The following ITFG2 variants were observed in gnomAD, a reference collection of about 807,000 sequenced individuals.
ITFG2 encodes the protein integrin alpha FG-GAP repeat containing 2, also known as KICSTOR complex protein ITFG2.
In ITFG2, 36 loss-of-function variants were observed where a neutral mutation model predicts 54.4. That is an observed-to-expected ratio of 0.66 (90% CI 0.51 to 0.87). ITFG2 has a LOEUF of 0.87. Ranked by LOEUF, ITFG2 falls within the 40% of genes least tolerant of loss-of-function variation. The pLI is 0.00. For synonymous variants in ITFG2, 211 were observed against 225.4 expected, an observed-to-expected ratio of 0.94 and a Z score of 0.57; for missense variants, 524 against 576.7, an observed-to-expected ratio of 0.91 and a Z score of 0.94.
upstream of ITFG2, chr12:2,834,605 G>A (rs775734442): frequency 1.4e-5 from 22 of 1,538,594 alleles, no homozygotes; most frequent in Non-Finnish European, 1.9e-5. Flanking sequence ...GAAGGAAAAG[G>A]CCAGGGGACG....
At position 2,820,193 on chromosome 12, in the gene ITFG2, G is replaced by A. The variant is rs1317700892; in HGVS notation, c.514G>A (p.Val172Met). Reference sequence around the variant, plus strand: ...TCCTGAACATCTGACAGGGCAGCTGGTGTCCCTCAAGAAATGGATGCTGGA... The same window carrying A: ...TCCTGAACATCTGACAGGGCAGCTGATGTCCCTCAAGAAATGGATGCTGGA... ...EGPEHLTGQL[V>M]SLKKWMLEGQ... The change falls in exon 5 of 12, where the codon GTG becomes ATG. Residue 172 changes from valine to methionine, a missense_variant. By Grantham distance (21) the Val-to-Met change is conservative. Coordinates refer to ENST00000228799, the MANE Select transcript of ITFG2 (RefSeq NM_018463.4). 1 of 1,612,318 alleles carries A rather than the reference G, an allele frequency of 6.2e-7. No individual in the cohort carries two copies. Among genetic ancestry groups the A allele is most frequent in the Non-Finnish European group, 8.5e-7 (1 of 1,179,114 alleles).
At chr12:2,852,965 A>ACT (rs2098075743) in intron 2 of ITFG2, among the ~76,000 whole-genome samples, 1 of 151,884 alleles carries the variant, frequency 6.6e-6, no homozygotes, top group Non-Finnish European at 1.5e-5. Context: ...ACACCACTGC[A>ACT]CTCTAGCATG....
chr12:2,834,841 G>A, upstream of ITFG2: 1 of 1,613,676 alleles, frequency 6.2e-7, no homozygotes, highest in African/African-American at 1.3e-5. Context: ...CATGGCCCCT[G>A]CTGGAGGAGT....
intron 9 of ITFG2, 107 bp downstream of exon 9, chr12:2,821,899 T>A: frequency 1.2e-6 from 1 of 814,420 alleles, no homozygotes; most frequent in Non-Finnish European, 2.0e-6. Context: ...TCCCAACCTT[T>A]ATCTTTAGTC....
At chr12:2,830,700 C>T in intron 2 of ITFG2, 5 of 1,605,762 alleles carry the variant, frequency 3.1e-6, no homozygotes, top group Non-Finnish European at 4.3e-6. Flanking sequence ...CCCTGGGAGG[C>T]CTCTCACCTT....
intron 2 of ITFG2, chr12:2,855,001 G>A: frequency 1.3e-6 from 2 of 1,536,190 alleles, no homozygotes; most frequent in Non-Finnish European, 1.7e-6. Flanking sequence ...CTCCTTCACT[G>A]TCCTGAAAAT....
At chr12:2,846,740 A>G (rs770020316) in intron 2 of ITFG2, among the ~76,000 whole-genome samples, 3 of 151,634 alleles carry the variant, frequency 2.0e-5, no homozygotes, top group Admixed American at 1.3e-4. Flanking sequence ...TCACCCCTCA[A>G]TTCTGCTCTC....
chr12:2,823,555 T>C (rs1448249662), intron 10 of ITFG2, among the ~76,000 whole-genome samples: 1 of 152,180 alleles, frequency 6.6e-6, no homozygotes, highest in East Asian at 1.9e-4. Flanking sequence ...CCGGGTTTTG[T>C]TACTATGGTT....
chr12:2,842,414 C>A (rs1211583008), intron 2 of ITFG2, among the ~76,000 whole-genome samples: 1 of 151,732 alleles, frequency 6.6e-6, no homozygotes, highest in Non-Finnish European at 1.5e-5. Context: ...AGCCACCACG[C>A]CCAGCCTTGT....
upstream of ITFG2, among the ~76,000 whole-genome samples, chr12:2,836,334 C>G (rs994479728): frequency 1.2e-4 from 18 of 152,182 alleles, no homozygotes; most frequent in Non-Finnish European, 1.5e-4. Context: ...TTCCTCTTCA[C>G]CATCAGGGAA....
At chr12:2,825,327 G>A (rs1252665528), downstream of ITFG2, 1 of 152,286 alleles carries the variant, frequency 6.6e-6, no homozygotes, top group Non-Finnish European at 1.5e-5. Flanking sequence ...CAGGGAGGAA[G>A]ACCAGAGAAG....
chr12:2,841,199 G>A (rs954296368), intron 2 of ITFG2, among the ~76,000 whole-genome samples: 1 of 152,218 alleles, frequency 6.6e-6, no homozygotes, highest in Admixed American at 6.5e-5. Context: ...TCTATACCAC[G>A]AGCAAGCCCT....
At chr12:2,825,427 A>C (rs548080018), downstream of ITFG2, 1 of 152,612 alleles carries the variant, frequency 6.6e-6, no homozygotes, top group Admixed American at 6.5e-5. Flanking sequence ...GCAGTTACAG[A>C]AGCAGCAGGA....
intron 1 of ITFG2, among the ~76,000 whole-genome samples, chr12:2,838,627 G>A (rs1226444567): frequency 6.6e-6 from 1 of 152,196 alleles, no homozygotes; most frequent in Non-Finnish European, 1.5e-5. Flanking sequence ...GCCATTCTCT[G>A]GAATGTAGCT....
chr12:2,854,262 T>C (rs1565452032), intron 2 of ITFG2, among the ~76,000 whole-genome samples: 3 of 152,206 alleles, frequency 2.0e-5, no homozygotes, highest in Non-Finnish European at 4.4e-5. Context: ...CTACCTCAGG[T>C]GATCCGGCCG....
At chr12:2,818,397 T>TGG (rs2097929212) in intron 4 of ITFG2, 120 bp downstream of exon 4, 21 of 1,522,540 alleles carry the variant, frequency 1.4e-5, no homozygotes, top group Non-Finnish European at 1.5e-5. Flanking sequence ...TGTTATGTGC[T>TGG]GAGCTCCCAT....
downstream of ITFG2, chr12:2,827,071 A>G (rs1018092659): frequency 3.3e-6 from 5 of 1,496,014 alleles, no homozygotes; most frequent in Admixed American, 5.1e-5. The surrounding 1 kb of genome is among the most constrained non-coding windows in gnomAD (Gnocchi z 4.0). Flanking sequence ...GGAAAATGGG[A>G]CAGCAGGGGT....
intron 3 of ITFG2, chr12:2,858,444 C>T: frequency 3.6e-6 from 2 of 561,986 alleles, no homozygotes; most frequent in South Asian, 5.1e-5. Context: ...GCAGAGGAAT[C>T]AGATACTCTT....
At chr12:2,834,846 A>G (rs1209713479), upstream of ITFG2, 15 of 1,613,142 alleles carry the variant, frequency 9.3e-6, no homozygotes, top group Non-Finnish European at 1.3e-5. Flanking sequence ...CCCCTGCTGG[A>G]GGAGTGGGCC....
Sources: allele counts gnomAD v4.1 joint callset (sites outside exome capture counted in the v4.1 genomes callset), GRCh38; gene constraint gnomAD v4.1.1; non-coding constraint Gnocchi (gnomAD v3.1); transcripts MANE v1.5; gene names NCBI Gene and HGNC (gene_info 2026-07-23, HGNC 2026-07-21).